CLEC1A: variants seen among roughly 807,000 people sequenced by gnomAD.
The protein encoded by CLEC1A is C-type lectin-like receptor-1.
CLEC1A carries 34 observed loss-of-function variants against 28.7 expected under a neutral mutation model. The observed-to-expected ratio is 1.18, with a 90% confidence interval of 0.90 to 1.57. The LOEUF (loss-of-function observed/expected upper bound fraction) is 1.57. Ranked by LOEUF, CLEC1A falls within the 40% of genes most tolerant of loss-of-function variation. The pLI is 0.00. For missense variants in CLEC1A, 385 were observed against 339.5 expected (o/e 1.13, Z -1.05); for synonymous variants, 116 against 121.0 (o/e 0.96, Z 0.27).
intron 1 of CLEC1A, among the ~76,000 whole-genome samples, chr12:10,093,388 C>G (rs1446955981): frequency 2.6e-5 from 2 of 76,706 alleles, no homozygotes; most frequent in Non-Finnish European, 6.9e-5. Context: ...AAAAAAAAAA[C>G]CTTTCCTGTA....
intron 2 of CLEC1A, among the ~76,000 whole-genome samples, chr12:10,083,153 G>C (rs906858835): frequency 4.6e-5 from 7 of 152,332 alleles, no homozygotes; most frequent in Middle Eastern, 3.4e-3. Context: ...CTAGACCTAG[G>C]GGAAGGGGGA....
At chr12:10,092,645 G>A (rs992095398) in intron 1 of CLEC1A, 2 of 154,922 alleles carry the variant, frequency 1.3e-5, no homozygotes, top group African/African-American at 4.9e-5. Context: ...GTTGTTTTCT[G>A]CCCAAAGGAC....
chr12:10,091,655 T>A (rs1229998499), intron 1 of CLEC1A, among the ~76,000 whole-genome samples: 13 of 145,210 alleles, frequency 9.0e-5, no homozygotes, highest in Non-Finnish European at 1.1e-4. Context: ...CAGCAGAACA[T>A]AAAAAAAAAA....
At chr12:10,074,527 C>T (rs1007143755) in intron 4 of CLEC1A, among the ~76,000 whole-genome samples, 1 of 152,018 alleles carries the variant, frequency 6.6e-6, no homozygotes, top group Admixed American at 6.5e-5. Flanking sequence ...TTTCCTACCA[C>T]GTGATATAAT....
At chr12:10,075,690 C>T in intron 3 of CLEC1A, 35 bp from the exon 4 acceptor site, 2 of 1,603,538 alleles carry the variant, frequency 1.2e-6, no homozygotes, top group Non-Finnish European at 1.7e-6. Context: ...TTATTTTCTG[C>T]ATGAGTCTGT....
At chr12:10,095,597 T>C (rs1947766859) in intron 1 of CLEC1A, among the ~76,000 whole-genome samples, 1 of 152,216 alleles carries the variant, frequency 6.6e-6, no homozygotes, top group Admixed American at 6.5e-5. Flanking sequence ...TTTTATTATG[T>C]AACCATCAGT....
rs1487072109 is a variant in CLEC1A, at chr12:10,075,594, G to T, written c.453C>A (p.Phe151Leu). 1.2e-6 allele frequency: 2 copies of T among 1,613,904 alleles called. No homozygotes were observed. Residue 151 changes from phenylalanine (F) to leucine (L), a missense_variant, in exon 4 of 6, where the codon TTC becomes TTA. By Grantham distance (22) the Phe-to-Leu change is conservative. Coordinates refer to ENST00000315330, the MANE Select transcript of CLEC1A (RefSeq NM_016511.4). ...CCTCCCAACTTTTGCTGTCTTTATA[G>T]AACTGGTAGCAATTGTCTCCATGCC... is the stretch of plus-strand genomic sequence containing the variant. ...WKWHGDNCYQ[F>L]YKDSKSWEDC...
intron 4 of CLEC1A, among the ~76,000 whole-genome samples, chr12:10,074,482 T>C (rs1866208654): frequency 6.6e-6 from 1 of 152,162 alleles, no homozygotes; most frequent in Non-Finnish European, 1.5e-5. Flanking sequence ...ATGAAGTTCA[T>C]GATAGAAAAT....
chr12:10,098,963 G>T lies in CLEC1A; in HGVS notation c.-41C>A. 1 of 1,447,554 alleles carries T rather than the reference G, an allele frequency of 6.9e-7. No individual in the cohort carries two copies. The highest frequency in any genetic ancestry group is 9.6e-7 in the Non-Finnish European group (1 of 1,043,504). 89.7% of individuals were successfully genotyped at this position (1,447,554 alleles called of 1,614,324 possible). ...GGTGAGAGTGAAATGTGGTCGGATT[G>T]CCCTGGGCCGCCGGGCTACTGTGAG... On this transcript the variant is annotated 5_prime_UTR_variant, in exon 1 of 6. Coordinates refer to ENST00000315330, the MANE Select transcript of CLEC1A (RefSeq NM_016511.4).
intron 2 of CLEC1A, among the ~76,000 whole-genome samples, chr12:10,082,592 C>G (rs1346680839): frequency 6.6e-6 from 1 of 152,130 alleles, no homozygotes; most frequent in East Asian, 1.9e-4. Flanking sequence ...TACCCAAACA[C>G]AAAAGACATA....
rs773506085 is a variant in CLEC1A, at chr12:10,089,136, G to T, written c.202C>A (p.Leu68Met). 9 of 1,613,790 alleles carry T rather than the reference G, an allele frequency of 5.6e-6. No homozygotes were observed. Among genetic ancestry groups the T allele is most frequent in the Non-Finnish European group, 7.6e-6 (9 of 1,179,760 alleles). Residue 68 changes from leucine to methionine, a missense_variant, in exon 2 of 6, where the codon CTG becomes ATG. Coordinates refer to ENST00000315330, the MANE Select transcript of CLEC1A (RefSeq NM_016511.4). ...CLVLLIGLAA[L>M]GLLFFQYYQL... The stretch of plus-strand genomic sequence containing the variant: ...AGCGCAGACTTACACAAAAGCCCCA[G>T]GGCTGCCAGCCCTATCAGCAGCACC...
chr12:10,084,821 C>CAAAAAAAAAAAAAAAAAA (rs57574014), intron 2 of CLEC1A, among the ~76,000 whole-genome samples: 1 of 83,766 alleles, frequency 1.2e-5, no homozygotes, highest in Non-Finnish European at 2.4e-5. Flanking sequence ...GACTCTGTAT[C>CAAAAAAAAAAAAAAAAAA]AAAAAAAAAA....
chr12:10,086,740 T>C (rs1272617654), intron 2 of CLEC1A, among the ~76,000 whole-genome samples: 1 of 152,222 alleles, frequency 6.6e-6, no homozygotes, highest in African/African-American at 2.4e-5. Flanking sequence ...AAAGAAGAAT[T>C]GGTACAAATA....
intron 3 of CLEC1A, among the ~76,000 whole-genome samples, chr12:10,078,795 T>C (rs1409925453): frequency 6.6e-6 from 1 of 152,166 alleles, no homozygotes; most frequent in Non-Finnish European, 1.5e-5. Flanking sequence ...GGGAAGTGTC[T>C]CGGTCAGGGA....
At chr12:10,079,983 G>A (rs958263497) in intron 3 of CLEC1A, among the ~76,000 whole-genome samples, 4 of 152,076 alleles carry the variant, frequency 2.6e-5, no homozygotes. Context: ...ACCAACAAAG[G>A]AAAGTATGCA....
chr12:10,093,116 T>G (rs1947728046), intron 1 of CLEC1A, among the ~76,000 whole-genome samples: 1 of 152,064 alleles, frequency 6.6e-6, no homozygotes, highest in Admixed American at 6.6e-5. Flanking sequence ...TAACTGTGAG[T>G]CTAATGTTTC....
intron 5 of CLEC1A, 39 bp from the exon 6 acceptor site, chr12:10,071,552 A>C: frequency 1.4e-6 from 2 of 1,463,328 alleles, no homozygotes; most frequent in Non-Finnish European, 1.9e-6. Flanking sequence ...ATCACGGTTT[A>C]TTTCTAAAAT....
chr12:10,090,553 C>T (rs781455632), intron 1 of CLEC1A, among the ~76,000 whole-genome samples: 9 of 152,078 alleles, frequency 5.9e-5, no homozygotes, highest in Non-Finnish European at 1.0e-4. Context: ...CATGAGCCAC[C>T]GCGCCCGGCC....
intron 2 of CLEC1A, among the ~76,000 whole-genome samples, chr12:10,081,742 A>G (rs11608988): frequency 4.1e-4 from 62 of 151,134 alleles, no homozygotes; most frequent in African/African-American, 1.5e-3. Context: ...TCAGGAACAT[A>G]CCAGGAAAAT....
Sources: gnomAD v4.1 joint callset for allele counts (sites outside exome capture counted in the v4.1 genomes callset) on GRCh38, gnomAD v4.1.1 for gene constraint, MANE v1.5 for transcripts, NCBI Gene and HGNC (gene_info 2026-07-23, HGNC 2026-07-21) for gene names.